The following FUT8 variants were observed in gnomAD, a reference collection of about 807,000 sequenced individuals.
FUT8 encodes the protein alpha-(1,6)-fucosyltransferase.
A neutral mutation model predicts 71.3 loss-of-function variants in FUT8; 29 were observed. The ratio of observed to expected loss-of-function variants is 0.41; its 90% CI spans 0.30 to 0.55. The LOEUF is 0.55. Ranked by LOEUF, FUT8 falls within the 20% of genes least tolerant of loss-of-function variation. The pLI, the probability that FUT8 is intolerant of heterozygous loss-of-function variation, is 0.34. For missense variants in FUT8, 544 were observed against 702.1 expected, an observed-to-expected ratio of 0.77 and a Z score of 2.55; for synonymous variants, 254 against 239.3, an observed-to-expected ratio of 1.06 and a Z score of -0.57.
At chr14:65,681,043 A>G (rs2300872) in intron 7 of FUT8, among the ~76,000 whole-genome samples, 15,104 of 152,106 alleles carry the variant, frequency 0.099, 1,000 homozygotes, top group East Asian at 0.38. Flanking sequence ...ATGAAATCCT[A>G]TTTATCTTTT....
chr14:65,576,855 G>T (rs1886814046), intron 3 of FUT8, among the ~76,000 whole-genome samples: 1 of 151,706 alleles, frequency 6.6e-6, no homozygotes, highest in Non-Finnish European at 1.5e-5. Flanking sequence ...GAGTAGCTGG[G>T]ATTATAGGCA....
intron 3 of FUT8, among the ~76,000 whole-genome samples, chr14:65,581,862 T>C (rs1407054240): frequency 2.0e-5 from 3 of 152,168 alleles, no homozygotes; most frequent in African/African-American, 7.2e-5. Context: ...TTTATGACTT[T>C]TCTGTTTTCT....
intron 7 of FUT8, among the ~76,000 whole-genome samples, chr14:65,710,054 C>A (rs888585519): frequency 2.6e-5 from 4 of 152,186 alleles, no homozygotes; most frequent in Non-Finnish European, 5.9e-5. Context: ...AGAGGAAAAG[C>A]AGTTATTACC....
chr14:65,569,813 T>C (rs1232729805), intron 3 of FUT8, among the ~76,000 whole-genome samples: 1 of 152,012 alleles, frequency 6.6e-6, no homozygotes, highest in South Asian at 2.1e-4. Context: ...GAGGCTTTTC[T>C]CTGTTGGAGA....
intron 3 of FUT8, among the ~76,000 whole-genome samples, chr14:65,562,134 T>C (rs1885947354): frequency 1.3e-5 from 2 of 152,114 alleles, no homozygotes; most frequent in African/African-American, 2.4e-5. Flanking sequence ...AACCCTGATA[T>C]AATTTCTCCA....
At chr14:65,690,339 T>G (rs1407254114) in intron 7 of FUT8, among the ~76,000 whole-genome samples, 1 of 152,202 alleles carries the variant, frequency 6.6e-6, no homozygotes, top group Non-Finnish European at 1.5e-5. Flanking sequence ...ACTTTGTTAT[T>G]CTTCAATGTT....
Position 65,535,868 on chromosome 14 carries a change from T to G in FUT8, c.-227-25469T>G, listed in dbSNP as rs145220018. Among the ~76,000 whole-genome samples, 374 of 152,262 alleles carry G rather than the reference T, an allele frequency of 2.5e-3. 4 individuals are homozygous for G. The South Asian group carries it at 0.032, about 13-fold the overall frequency. On this transcript the variant is annotated intron_variant, in intron 2 of 10. Transcript: ENST00000673929. The stretch of plus-strand genomic sequence containing the variant: ...TTTATCTCAATGATCTGTCTAATAC[T>G]GTTGGTGAGGTGTTGAAGACTCCCA...
At chr14:65,570,486 C>G (rs968362625) in intron 3 of FUT8, among the ~76,000 whole-genome samples, 7 of 151,772 alleles carry the variant, frequency 4.6e-5, no homozygotes, top group Non-Finnish European at 8.8e-5. Flanking sequence ...CCATGTTATA[C>G]TGTATTCTAC....
At chr14:65,671,803 T>C (rs181435186) in intron 7 of FUT8, among the ~76,000 whole-genome samples, 1 of 152,338 alleles carries the variant, frequency 6.6e-6, no homozygotes, top group East Asian at 1.9e-4. Flanking sequence ...TATGTGCCCT[T>C]TAGAGAAACT....
chr14:65,551,704 TA>T (rs1885295578), intron 2 of FUT8, among the ~76,000 whole-genome samples: 1 of 152,126 alleles, frequency 6.6e-6, no homozygotes, highest in Non-Finnish European at 1.5e-5. Context: ...TTTTTGTATG[TA>T]AAACATGTTT....
At chr14:65,684,449 A>G (rs548050948) in intron 7 of FUT8, among the ~76,000 whole-genome samples, 212 of 152,360 alleles carry the variant, frequency 1.4e-3, no homozygotes, top group Non-Finnish European at 2.1e-3. Flanking sequence ...GTAGCTAAAG[A>G]ATAGTCTGAA....
chr14:65,553,218 A>G (rs1885387256), intron 2 of FUT8, among the ~76,000 whole-genome samples: 1 of 152,188 alleles, frequency 6.6e-6, no homozygotes, highest in African/African-American at 2.4e-5. Flanking sequence ...CTATTAAAGC[A>G]GTGTAGCTCT....
intron 1 of FUT8, among the ~76,000 whole-genome samples, chr14:65,452,628 T>G (rs1376020308): frequency 6.6e-6 from 1 of 152,150 alleles, no homozygotes; most frequent in African/African-American, 2.4e-5. Context: ...TCTGTAGAAA[T>G]TGCTTTCAAT....
intron 7 of FUT8, among the ~76,000 whole-genome samples, chr14:65,716,933 G>A (rs1404786712): frequency 5.0e-5 from 7 of 140,988 alleles, no homozygotes; most frequent in Non-Finnish European, 7.6e-5. Flanking sequence ...GGGGCGGCCG[G>A]GCAGAGGCAC....
rs1224353601 is a variant in FUT8 at position 65,476,293 on chromosome 14, T to A, written c.-228+20575T>A. Reference sequence around the variant, plus strand: ...AGGATAGTGTCATGTCCCCCTAAACTTCAGGGAGGCCTGGCTTCATACCTC... The same window carrying A: ...AGGATAGTGTCATGTCCCCCTAAACATCAGGGAGGCCTGGCTTCATACCTC... On this transcript the variant is annotated intron_variant, in intron 2 of 10. Transcript: ENST00000673929. 2.0e-5 allele frequency among the ~76,000 whole-genome samples: 3 copies of A among 152,178 alleles called. No individual in the cohort carries two copies. In the East Asian group the frequency reaches 5.8e-4, roughly 29 times the overall value.
chr14:65,644,119 A>G (rs2094886585), intron 6 of FUT8, among the ~76,000 whole-genome samples: 1 of 152,162 alleles, frequency 6.6e-6, no homozygotes, highest in African/African-American at 2.4e-5. Context: ...CAGCGAAGCA[A>G]GAATTAGGGA....
chr14:65,411,711 C>T (rs1319764535), upstream of FUT8: 1 of 279,332 alleles, frequency 3.6e-6, no homozygotes, highest in Non-Finnish European at 7.0e-6. Flanking sequence ...CGCTCTCCCA[C>T]CGTAAAGCGC....
chr14:65,664,944 A>G (rs989344550), intron 6 of FUT8, among the ~76,000 whole-genome samples: 6 of 150,522 alleles, frequency 4.0e-5, no homozygotes, highest in Admixed American at 2.7e-4. Flanking sequence ...GCTCATCCAA[A>G]TTAAAGCAGA....
intron 2 of FUT8, among the ~76,000 whole-genome samples, chr14:65,515,971 T>G (rs1594724438): frequency 6.6e-6 from 1 of 152,332 alleles, no homozygotes; most frequent in East Asian, 1.9e-4. Flanking sequence ...GTTTAAGAGA[T>G]AATTTAGCAT....
Sources: gnomAD v4.1 joint callset for allele counts (sites outside exome capture counted in the v4.1 genomes callset) on GRCh38, gnomAD v4.1.1 for gene constraint, MANE v1.5 for transcripts, NCBI Gene and HGNC (gene_info 2026-07-23, HGNC 2026-07-21) for gene names.